Variants in GRM8 observed in about 807,000 individuals in gnomAD.
GRM8 encodes glutamate metabotropic receptor 8.
GRM8 carries 47 observed loss-of-function variants against 87.2 expected under a neutral mutation model. The ratio of observed to expected loss-of-function variants is 0.54; its 90% CI spans 0.43 to 0.69. The LOEUF is 0.69. Ranked by LOEUF, GRM8 falls within the 30% of genes least tolerant of loss-of-function variation. The pLI, the probability that GRM8 is intolerant of heterozygous loss-of-function variation, is 0.00. For missense variants in GRM8, 1,019 were observed against 1,139.2 expected, an observed-to-expected ratio of 0.89 and a Z score of 1.52; for synonymous variants, 396 against 404.5, an observed-to-expected ratio of 0.98 and a Z score of 0.25.
intron 3 of GRM8, among the ~76,000 whole-genome samples, chr7:127,070,034 G>A (rs933321008): frequency 1.2e-4 from 18 of 152,108 alleles, no homozygotes; most frequent in African/African-American, 4.3e-4. Flanking sequence ...TCGTCATCAC[G>A]ATTTATTACC....
chr7:127,068,886 T>C lies in GRM8; in HGVS notation c.727+37610A>G, dbSNP rs541591074. Among the ~76,000 whole-genome samples, 4 of 152,304 alleles carry C rather than the reference T, an allele frequency of 2.6e-5. No individual in the cohort carries two copies. In the East Asian group the frequency reaches 7.7e-4, roughly 29 times the overall value. On this transcript the variant is annotated intron_variant, in intron 3 of 10. Coordinates refer to ENST00000339582, the MANE Select transcript of GRM8 (RefSeq NM_000845.3). ...AATCCAGTCAGCTGTTTTTCTTTCATTTATGCCAGGATGCATCACTTTATA... is the reference window on the plus strand; with the variant it reads ...AATCCAGTCAGCTGTTTTTCTTTCACTTATGCCAGGATGCATCACTTTATA...
chr7:127,235,297 C>T (rs1274396585), intron 2 of GRM8, among the ~76,000 whole-genome samples: 1 of 152,228 alleles, frequency 6.6e-6, no homozygotes, highest in South Asian at 2.1e-4. Context: ...GCCCAAGAGT[C>T]ATGGTGCTCC....
At chr7:126,614,184 A>G (rs1799211380) in intron 7 of GRM8, among the ~76,000 whole-genome samples, 1 of 152,168 alleles carries the variant, frequency 6.6e-6, no homozygotes, top group African/African-American at 2.4e-5. Context: ...CGAAACTTCC[A>G]GAGGAACGGT....
chr7:126,609,576 T>A, intron 7 of GRM8, 78 bp from the exon 8 acceptor site: 1 of 1,064,610 alleles, frequency 9.4e-7, no homozygotes, highest in Non-Finnish European at 1.4e-6. Context: ...TTAGAAGGAA[T>A]GGTAGATAAA....
chr7:127,147,527 C>A (rs1011377115), intron 2 of GRM8, among the ~76,000 whole-genome samples: 3 of 152,040 alleles, frequency 2.0e-5, no homozygotes, highest in Admixed American at 1.3e-4. Context: ...CCTATCCCCC[C>A]ACTCACCTTG....
chr7:127,163,941 G>T (rs980360791), intron 2 of GRM8, among the ~76,000 whole-genome samples: 4 of 152,106 alleles, frequency 2.6e-5, no homozygotes, highest in African/African-American at 9.7e-5. Flanking sequence ...CAAGATGAAT[G>T]ATATAGTTTG....
chr7:126,769,057 T>C (rs1818548398), intron 7 of GRM8, among the ~76,000 whole-genome samples: 1 of 152,058 alleles, frequency 6.6e-6, no homozygotes, highest in Admixed American at 6.6e-5. Context: ...GTGCTGTGCG[T>C]GTCTCAAGGC....
intron 3 of GRM8, among the ~76,000 whole-genome samples, chr7:126,923,153 C>G (rs1301589229): frequency 6.6e-6 from 1 of 152,160 alleles, no homozygotes; most frequent in Non-Finnish European, 1.5e-5. Context: ...ATTTCTCCAC[C>G]TTTATGCCTG....
At chr7:126,698,562 C>T (rs1809614636) in intron 7 of GRM8, among the ~76,000 whole-genome samples, 2 of 152,070 alleles carry the variant, frequency 1.3e-5, no homozygotes, top group Admixed American at 1.3e-4. Flanking sequence ...CATGTTATTT[C>T]CTATACCTGG....
intron 2 of GRM8, among the ~76,000 whole-genome samples, chr7:127,196,752 A>G (rs1362986221): frequency 6.6e-6 from 1 of 152,186 alleles, no homozygotes; most frequent in Non-Finnish European, 1.5e-5. Flanking sequence ...TCACTTTGCA[A>G]GTGTTTGATC....
At position 127,243,291 on chromosome 7, in the gene GRM8, G is replaced by A. The variant is rs1798413748; in HGVS notation, c.-87C>T. On this transcript the variant is annotated 5_prime_UTR_variant, in exon 2 of 11. Transcript: ENST00000339582. Reference sequence around the variant, plus strand: ...GCACCACCTGAGGCTGCACCTTCTGGAGGCTACCATCAGGGCCCATGGGGA... The same window carrying A: ...GCACCACCTGAGGCTGCACCTTCTGAAGGCTACCATCAGGGCCCATGGGGA... 4.9e-6 allele frequency: 6 copies of A among 1,231,664 alleles called. No homozygotes were observed. The highest frequency in any genetic ancestry group is 1.5e-5 in the African/African-American group (1 of 66,708). The allele number at this position is 1,231,664 out of a possible 1,614,324, so 76.3% of individuals were successfully genotyped here. A position where few individuals can be genotyped will look rare whatever the true frequency, so the allele number is the denominator to read the frequency against.
At chr7:127,230,661 C>T (rs1797628867) in intron 2 of GRM8, among the ~76,000 whole-genome samples, 1 of 152,068 alleles carries the variant, frequency 6.6e-6, no homozygotes, top group Admixed American at 6.6e-5. Context: ...TGTAAGCGCC[C>T]TTACAAGGAG....
At chr7:126,818,081 C>CA in intron 6 of GRM8, among the ~76,000 whole-genome samples, 1 of 151,834 alleles carries the variant, frequency 6.6e-6, no homozygotes, top group Non-Finnish European at 1.5e-5. Flanking sequence ...TGAAATTAAA[C>CA]AAAAAATTAT....
At chr7:126,522,472 A>G (rs1237624696) in intron 9 of GRM8, among the ~76,000 whole-genome samples, 1 of 152,194 alleles carries the variant, frequency 6.6e-6, no homozygotes, top group East Asian at 1.9e-4. Context: ...CCTTCATAAA[A>G]TGACTCCCAA....
intron 9 of GRM8, among the ~76,000 whole-genome samples, chr7:126,501,502 A>G (rs1309637471): frequency 6.6e-6 from 1 of 152,080 alleles, no homozygotes; most frequent in African/African-American, 2.4e-5. Context: ...GCAAAGTGGC[A>G]GTCAGTGAAG....
chr7:126,509,098 C>T (rs1289043830), intron 9 of GRM8, among the ~76,000 whole-genome samples: 1 of 151,932 alleles, frequency 6.6e-6, no homozygotes, highest in African/African-American at 2.4e-5. Context: ...ACAAATGATG[C>T]CCAGAATAAA....
At chr7:126,857,075 G>A (rs1469139510) in intron 6 of GRM8, among the ~76,000 whole-genome samples, 1 of 152,158 alleles carries the variant, frequency 6.6e-6, no homozygotes, top group East Asian at 1.9e-4. Context: ...TGAATAGGAA[G>A]ATCTTTACGC....
intron 3 of GRM8, among the ~76,000 whole-genome samples, chr7:126,907,535 G>A (rs1802844818): frequency 1.3e-5 from 2 of 152,058 alleles, no homozygotes. Context: ...GAAAGGGCCA[G>A]GGGAGTCAGT....
At chr7:127,077,465 T>G (rs1586932196) in intron 3 of GRM8, among the ~76,000 whole-genome samples, 1 of 152,202 alleles carries the variant, frequency 6.6e-6, no homozygotes, top group East Asian at 1.9e-4. Flanking sequence ...CTAAGCTCCT[T>G]TTCTAACACA....
Sources: gnomAD v4.1 joint callset for allele counts (sites outside exome capture counted in the v4.1 genomes callset) on GRCh38, gnomAD v4.1.1 for gene constraint, MANE v1.5 for transcripts, NCBI Gene and HGNC (gene_info 2026-07-23, HGNC 2026-07-21) for gene names.